Variants in PACSIN1 observed in about 807,000 individuals in gnomAD.
PACSIN1 encodes protein kinase C and casein kinase substrate in neurons protein 1.
A neutral mutation model predicts 59.5 loss-of-function variants in PACSIN1; 15 were observed. That is an observed-to-expected ratio of 0.25 (90% CI 0.17 to 0.39). PACSIN1 has a LOEUF of 0.39. Among genes scored for constraint, PACSIN1 ranks in the 10% least tolerant of loss-of-function variants. The pLI is 1.00. For missense variants in PACSIN1, 420 were observed against 580.2 expected (o/e 0.72, Z 2.84); for synonymous variants, 210 against 220.6 (o/e 0.95, Z 0.42).
At position 34,532,383 on chromosome 6, in the gene PACSIN1, C is replaced by A; in HGVS notation, c.1226-38C>A. The A allele has an allele frequency of 7.3e-7, 1 of 1,372,584 alleles. No homozygotes were observed. The highest frequency in any genetic ancestry group is 1.0e-6 in the Non-Finnish European group (1 of 984,198). The allele number at this position is 1,372,584 out of a possible 1,614,324, so 85.0% of individuals were successfully genotyped here. Reference sequence around the variant, plus strand: ...AGCCGGTGCGTTGAGGGAGGGGCAGCCTTCTCTCTGAGCCCCTCCCTGTGT... The same window carrying A: ...AGCCGGTGCGTTGAGGGAGGGGCAGACTTCTCTCTGAGCCCCTCCCTGTGT... On this transcript the variant is annotated intron_variant, in intron 9 of 9. Coordinates refer to ENST00000244458, the MANE Select transcript of PACSIN1 (RefSeq NM_020804.5). The surrounding 1 kb of genome is among the most constrained non-coding windows in gnomAD (Gnocchi z 5.2).
chr6:34,505,335 T>A (rs1233980960), intron 1 of PACSIN1, among the ~76,000 whole-genome samples: 1 of 152,170 alleles, frequency 6.6e-6, no homozygotes, highest in African/African-American at 2.4e-5. Context: ...GGGTTTTACC[T>A]GTCTGGAGTT....
intron 1 of PACSIN1, among the ~76,000 whole-genome samples, chr6:34,490,732 T>C (rs1424435680): frequency 2.0e-5 from 3 of 152,122 alleles, no homozygotes; most frequent in Non-Finnish European, 4.4e-5. Flanking sequence ...AGAAGACAGA[T>C]AGTGAGTGGG....
At chr6:34,526,744 G>C (rs575179063) in intron 2 of PACSIN1, among the ~76,000 whole-genome samples, 9 of 152,218 alleles carry the variant, frequency 5.9e-5, no homozygotes, top group Non-Finnish European at 1.3e-4. Flanking sequence ...CACAGAGAGA[G>C]GGAGTGAGCT....
intron 1 of PACSIN1, among the ~76,000 whole-genome samples, chr6:34,522,802 G>A (rs1306811574): frequency 3.9e-5 from 6 of 152,190 alleles, no homozygotes; most frequent in Non-Finnish European, 5.9e-5. Flanking sequence ...CAAAGTCCCC[G>A]AGTCCAAAGG....
Position 34,514,630 on chromosome 6 carries a change from C to A in PACSIN1, c.-63-11613C>A, listed in dbSNP as rs558949212. Among the ~76,000 whole-genome samples the A allele has an allele frequency of 6.6e-6, 1 of 151,878 alleles. No homozygotes were observed. The highest frequency in any genetic ancestry group is 6.6e-5 in the Admixed American group (1 of 15,236). On this transcript the variant is annotated intron_variant, in intron 1 of 9. Transcript: ENST00000244458. The surrounding 1 kb of genome is among the most constrained non-coding windows in gnomAD (Gnocchi z 4.4). Reference sequence around the variant, plus strand: ...AGCAGGGCTTCCCAGTCGAGGGCGGCGGCCGAGCCTGTGTCCCCACCAGCG... The same window carrying A: ...AGCAGGGCTTCCCAGTCGAGGGCGGAGGCCGAGCCTGTGTCCCCACCAGCG...
At chr6:34,490,468 G>A (rs954028082) in intron 1 of PACSIN1, among the ~76,000 whole-genome samples, 4 of 152,154 alleles carry the variant, frequency 2.6e-5, no homozygotes, top group African/African-American at 7.2e-5. Context: ...ATGGCTTGGC[G>A]GGTCTGGCAG....
intron 1 of PACSIN1, among the ~76,000 whole-genome samples, chr6:34,500,046 A>G (rs553199871): frequency 6.6e-6 from 1 of 152,338 alleles, no homozygotes; most frequent in East Asian, 1.9e-4. Flanking sequence ...TATGTATAGA[A>G]CTTCTACAAC....
At position 34,492,298 on chromosome 6, in the gene PACSIN1, TC is replaced by T. The variant is rs1183544186; in HGVS notation, c.-64+26029del. The stretch of plus-strand genomic sequence containing the variant: ...CTCATTGCAACCTCTGCCTCCTGCC[TC>T]TTGGGTTCAGGCAATTCTCCTGCCT... On this transcript the variant is annotated intron_variant, in intron 1 of 9. Coordinates refer to ENST00000244458, the MANE Select transcript of PACSIN1 (RefSeq NM_020804.5). 2.0e-3 allele frequency among the ~76,000 whole-genome samples: 298 copies of T among 149,778 alleles called. 5 individuals carry two copies. The highest frequency in any genetic ancestry group is 3.9e-3 in the South Asian group (18 of 4,664).
chr6:34,529,379 A>G lies in PACSIN1; in HGVS notation c.457-18A>G, dbSNP rs765226821. ...GTCACAAATGAAAACCCTACTCCCTATTCCCCCCTCCCCACAGCTGGAGGC... is the reference window on the plus strand; with the variant it reads ...GTCACAAATGAAAACCCTACTCCCTGTTCCCCCCTCCCCACAGCTGGAGGC... On this transcript the variant is annotated intron_variant, in intron 4 of 9. Transcript: ENST00000244458. This position sits in a 1 kb window ranked among gnomAD's most constrained non-coding sequence, Gnocchi z 6.3. 9 of 1,613,352 alleles carry G rather than the reference A, an allele frequency of 5.6e-6. No homozygotes were observed. Among genetic ancestry groups the G allele is most frequent in the Non-Finnish European group, 7.6e-6 (9 of 1,179,498 alleles).
At chr6:34,468,404 C>T (rs1301458545) in intron 1 of PACSIN1, among the ~76,000 whole-genome samples, 1 of 152,238 alleles carries the variant, frequency 6.6e-6, no homozygotes, top group African/African-American at 2.4e-5. Context: ...AGCTATTTTC[C>T]AGAGTTGACA....
intron 1 of PACSIN1, among the ~76,000 whole-genome samples, chr6:34,508,484 C>T (rs965257312): frequency 1.3e-5 from 2 of 152,150 alleles, no homozygotes; most frequent in Non-Finnish European, 1.5e-5. Context: ...CCAGGCTGAT[C>T]TTGAACTCCT....
intron 3 of PACSIN1, 59 bp downstream of exon 3, chr6:34,527,547 G>C: frequency 6.8e-7 from 1 of 1,461,694 alleles, no homozygotes; most frequent in Non-Finnish European, 9.1e-7. Flanking sequence ...CCCTAGGTCT[G>C]GGTCCTAGGA....
chr6:34,505,108 C>T (rs1188837276), intron 1 of PACSIN1, among the ~76,000 whole-genome samples: 2 of 152,140 alleles, frequency 1.3e-5, no homozygotes, highest in East Asian at 1.9e-4. Flanking sequence ...CCCCAGGAGG[C>T]CTCAGCCTCC....
Position 34,474,349 on chromosome 6 carries a change from T to C in PACSIN1, c.-64+8079T>C, listed in dbSNP as rs575622330. Reference sequence around the variant, plus strand: ...TCCCTTCTGAGCCTCCACTATCCTCTCCTAGATCTTTGCAGCAGCCTCTAC... The same window carrying C: ...TCCCTTCTGAGCCTCCACTATCCTCCCCTAGATCTTTGCAGCAGCCTCTAC... On this transcript the variant is annotated intron_variant, in intron 1 of 9. Coordinates refer to ENST00000244458, the MANE Select transcript of PACSIN1 (RefSeq NM_020804.5). Among the ~76,000 whole-genome samples, 48 of 152,238 alleles carry C rather than the reference T, an allele frequency of 3.2e-4. No individual in the cohort carries two copies. In the South Asian group the frequency reaches 9.1e-3, roughly 29 times the overall value.
intron 1 of PACSIN1, among the ~76,000 whole-genome samples, chr6:34,467,270 T>C (rs562822263): frequency 1.3e-5 from 2 of 152,350 alleles, no homozygotes; most frequent in African/African-American, 4.8e-5. Flanking sequence ...TTGGACTGCC[T>C]TGTGGCTGGG....
intron 1 of PACSIN1, among the ~76,000 whole-genome samples, chr6:34,479,704 C>T (rs868374517): frequency 7.9e-5 from 12 of 152,260 alleles, no homozygotes; most frequent in African/African-American, 2.9e-4. Flanking sequence ...GATCCTCCTG[C>T]TTCAGCCTTT....
rs1767338275 is a variant in PACSIN1 at position 34,518,856 on chromosome 6, T to C, written c.-63-7387T>C. 6.6e-6 allele frequency among the ~76,000 whole-genome samples: 1 copy of C among 152,208 alleles called. No homozygotes were observed. The highest frequency in any genetic ancestry group is 2.4e-5 in the African/African-American group (1 of 41,450). On this transcript the variant is annotated intron_variant, in intron 1 of 9. Transcript: ENST00000244458. The surrounding 1 kb of genome is among the most constrained non-coding windows in gnomAD (Gnocchi z 4.4). ...TGCCCATGCTGGAATGTAAGCTCCA[T>C]GAGGGAAGGGCTGGTCTTACTCCCT... is the stretch of plus-strand genomic sequence containing the variant.
At chr6:34,497,093 C>T (rs182087614) in intron 1 of PACSIN1, among the ~76,000 whole-genome samples, 50 of 151,770 alleles carry the variant, frequency 3.3e-4, no homozygotes, top group African/African-American at 1.1e-3. Context: ...GGAATACAGG[C>T]GCCCACCACC....
intron 1 of PACSIN1, among the ~76,000 whole-genome samples, chr6:34,499,761 A>G (rs547596347): frequency 2.0e-5 from 3 of 152,040 alleles, no homozygotes; most frequent in Admixed American, 2.0e-4. Context: ...GTGCCACTGC[A>G]CTCCAGCCTG....
Sources: allele counts gnomAD v4.1 joint callset (sites outside exome capture counted in the v4.1 genomes callset), GRCh38; gene constraint gnomAD v4.1.1; non-coding constraint Gnocchi (gnomAD v3.1); transcripts MANE v1.5; gene names NCBI Gene and HGNC (gene_info 2026-07-23, HGNC 2026-07-21).